Variants in ADGRL3 observed in about 807,000 individuals in gnomAD.
ADGRL3 encodes the protein calcium-independent alpha-latrotoxin receptor 3.
Under a neutral mutation model 153.5 loss-of-function variants are expected in ADGRL3, and 62 were observed. That is an observed-to-expected ratio of 0.40 (90% confidence interval 0.33 to 0.50). ADGRL3 has a LOEUF of 0.50. Ranked by LOEUF, ADGRL3 falls within the 20% of genes least tolerant of loss-of-function variation. The pLI is 0.47. For missense variants in ADGRL3, 1,641 were observed against 1,859.4 expected (o/e 0.88, Z 2.16); for synonymous variants, 710 against 672.5 (o/e 1.06, Z -0.86).
chr4:62,010,765 C>T (rs1471539985), intron 21 of ADGRL3, among the ~76,000 whole-genome samples: 1 of 151,996 alleles, frequency 6.6e-6, no homozygotes, highest in South Asian at 2.1e-4. Context: ...AGAACTCACT[C>T]TAATATTTAG....
intron 1 of ADGRL3, among the ~76,000 whole-genome samples, chr4:61,344,616 A>G (rs2095865101): frequency 6.6e-6 from 1 of 151,962 alleles, no homozygotes; most frequent in South Asian, 2.1e-4. Context: ...CAAGTTTTAC[A>G]GTGTGAGATT....
At chr4:61,509,169 C>T (rs1256395620) in intron 3 of ADGRL3, among the ~76,000 whole-genome samples, 1 of 138,448 alleles carries the variant, frequency 7.2e-6, no homozygotes, top group African/African-American at 2.7e-5. Context: ...CATTTGTTGC[C>T]CAGGCTGGAG....
At chr4:61,634,653 G>A (rs1315067821) in intron 5 of ADGRL3, among the ~76,000 whole-genome samples, 1 of 151,980 alleles carries the variant, frequency 6.6e-6, no homozygotes, top group Non-Finnish European at 1.5e-5. Flanking sequence ...AGATGAGAAG[G>A]GGTAATTAAA....
intron 9 of ADGRL3, among the ~76,000 whole-genome samples, chr4:61,844,364 C>G (rs2098081250): frequency 6.7e-6 from 1 of 150,086 alleles, no homozygotes; most frequent in South Asian, 2.1e-4. Flanking sequence ...CCTGGCCAAC[C>G]TGGTGAAACC....
chr4:61,500,178 TTTCCA>T (rs2098371105), intron 3 of ADGRL3, among the ~76,000 whole-genome samples: 1 of 152,182 alleles, frequency 6.6e-6, no homozygotes, highest in Non-Finnish European at 1.5e-5. Context: ...AAAATAATCA[TTTCCA>T]TTTTATGTGG....
chr4:61,678,030 T>C (rs1032140402), intron 6 of ADGRL3, among the ~76,000 whole-genome samples: 2 of 152,054 alleles, frequency 1.3e-5, no homozygotes, highest in Admixed American at 6.6e-5. Flanking sequence ...CTGATCTTCA[T>C]TGTTATGAAA....
intron 9 of ADGRL3, among the ~76,000 whole-genome samples, chr4:61,846,970 G>GTATATATATGTATATATGTA (rs1554045724): frequency 6.7e-5 from 9 of 133,568 alleles, no homozygotes; most frequent in Non-Finnish European, 1.5e-4. Context: ...GTGTGTGTGT[G>GTATATATATGTATATATGTA]TATATATATG....
chr4:61,458,736 A>T (rs1018983674), intron 2 of ADGRL3, among the ~76,000 whole-genome samples: 68 of 151,694 alleles, frequency 4.5e-4, no homozygotes, highest in African/African-American at 1.6e-3. Flanking sequence ...TTAATTTAAA[A>T]TTATATAGGA....
chr4:61,435,723 A>G (rs575022310), intron 2 of ADGRL3, among the ~76,000 whole-genome samples: 88 of 152,116 alleles, frequency 5.8e-4, no homozygotes, highest in African/African-American at 2.0e-3. Context: ...CTTGTCCTTC[A>G]CCTTCCATTC....
At chr4:61,442,792 A>T (rs1282136413) in intron 2 of ADGRL3, among the ~76,000 whole-genome samples, 3 of 152,074 alleles carry the variant, frequency 2.0e-5, no homozygotes, top group African/African-American at 7.2e-5. Flanking sequence ...TTAAGATATG[A>T]TTATGCACCT....
intron 4 of ADGRL3, among the ~76,000 whole-genome samples, chr4:61,528,564 A>G (rs1032329767): frequency 1.3e-5 from 2 of 152,126 alleles, no homozygotes; most frequent in African/African-American, 4.8e-5. Context: ...AGATTCAACA[A>G]TAGCCTACCA....
intron 11 of ADGRL3, among the ~76,000 whole-genome samples, chr4:61,909,349 G>A (rs1400320942): frequency 6.6e-6 from 1 of 152,172 alleles, no homozygotes; most frequent in Non-Finnish European, 1.5e-5. Context: ...CTCAGGAGGA[G>A]CTTTCTGAAG....
intron 8 of ADGRL3, among the ~76,000 whole-genome samples, chr4:61,801,133 G>A (rs907219366): frequency 6.6e-6 from 1 of 152,120 alleles, no homozygotes; most frequent in Non-Finnish European, 1.5e-5. Flanking sequence ...AAACGTCATG[G>A]CTCTTCTGTA....
chr4:61,678,773 G>A (rs2095268827), intron 6 of ADGRL3, among the ~76,000 whole-genome samples: 1 of 151,788 alleles, frequency 6.6e-6, no homozygotes, highest in African/African-American at 2.4e-5. Context: ...TTATACACTG[G>A]TTTAATTTAT....
At chr4:61,685,638 G>C (rs1242650087) in intron 6 of ADGRL3, among the ~76,000 whole-genome samples, 1 of 152,050 alleles carries the variant, frequency 6.6e-6, no homozygotes, top group East Asian at 1.9e-4. Flanking sequence ...TCTCGTAAGT[G>C]GTAGAAAGAC....
rs148917388 is a variant in ADGRL3 at position 61,475,992 on chromosome 4, G to A, written c.-173-21129G>A. Among the ~76,000 whole-genome samples, 566 of 152,270 alleles carry A rather than the reference G, an allele frequency of 3.7e-3. 3 individuals are homozygous for A. Among genetic ancestry groups the A allele is most frequent in the African/African-American group, 0.013 (544 of 41,556 alleles). ...ATGTAGGTAGATTAGCAGCACTACA[G>A]TCTATCTTGGCTCATGGGCATTTCT... On this transcript the variant is annotated intron_variant, in intron 2 of 26. Transcript: ENST00000683033.
chr4:61,972,235 A>C (rs566275839), intron 17 of ADGRL3, among the ~76,000 whole-genome samples: 2 of 151,978 alleles, frequency 1.3e-5, no homozygotes, highest in African/African-American at 4.8e-5. Flanking sequence ...CCTTGCCCAT[A>C]TCTATGTCCT....
intron 25 of ADGRL3, among the ~76,000 whole-genome samples, chr4:62,062,459 T>C (rs1225502349): frequency 6.6e-6 from 1 of 152,098 alleles, no homozygotes; most frequent in Non-Finnish European, 1.5e-5. Flanking sequence ...TAAATGAACA[T>C]ATACCTGTCA....
intron 5 of ADGRL3, among the ~76,000 whole-genome samples, chr4:61,617,815 G>A (rs1368391889): frequency 1.3e-5 from 2 of 152,184 alleles, no homozygotes; most frequent in Non-Finnish European, 2.9e-5. Context: ...CGTATTCTCT[G>A]TTAACATGTG....
Sources: allele counts gnomAD v4.1 joint callset (sites outside exome capture counted in the v4.1 genomes callset), GRCh38; gene constraint gnomAD v4.1.1; transcripts MANE v1.5; gene names NCBI Gene and HGNC (gene_info 2026-07-23, HGNC 2026-07-21).